ULK2: variants seen among roughly 807,000 people sequenced by gnomAD.
ULK2 encodes unc-51 like autophagy activating kinase 2.
In ULK2, 76 loss-of-function variants were observed where a neutral mutation model predicts 127.5. That is an observed-to-expected ratio of 0.60 (90% CI 0.50 to 0.72). ULK2 has a LOEUF of 0.72. ULK2 is among the 30% of genes least tolerant of loss of function. The pLI, the probability that ULK2 is intolerant of heterozygous loss-of-function variation, is 0.00. For missense variants in ULK2, 1,144 were observed against 1,295.9 expected, an observed-to-expected ratio of 0.88 and a Z score of 1.80; for synonymous variants, 452 against 461.9, an observed-to-expected ratio of 0.98 and a Z score of 0.28.
At chr17:19,809,742 A>AAT (rs2087591800) in intron 14 of ULK2, among the ~76,000 whole-genome samples, 2 of 150,710 alleles carry the variant, frequency 1.3e-5, no homozygotes, top group South Asian at 4.2e-4. Flanking sequence ...CAAAAAAAAA[A>AAT]AAAAAAAAAA....
chr17:19,820,447 C>T (rs891622789), intron 12 of ULK2, among the ~76,000 whole-genome samples: 2 of 152,136 alleles, frequency 1.3e-5, no homozygotes, highest in Admixed American at 6.5e-5. Context: ...TTTCCCTTCA[C>T]CCATCACCAA....
intron 19 of ULK2, 31 bp from the exon 20 acceptor site, chr17:19,795,756 GA>G (rs1567682276): frequency 1.3e-6 from 2 of 1,593,208 alleles, no homozygotes; most frequent in South Asian, 2.2e-5. Context: ...TTTAATAAAG[GA>G]AAAGTATACT....
At chr17:19,802,422 A>T in intron 15 of ULK2, among the ~76,000 whole-genome samples, 1 of 152,322 alleles carries the variant, frequency 6.6e-6, no homozygotes, top group South Asian at 2.1e-4. Context: ...TAATAAGCTT[A>T]TTCCATGTAA....
At chr17:19,814,438 A>ATTT (rs1187090319) in intron 13 of ULK2, among the ~76,000 whole-genome samples, 14 of 23,328 alleles carry the variant, frequency 6.0e-4, no homozygotes, top group African/African-American at 2.4e-3. Context: ...ATATATATAT[A>ATTT]TTTTTTTTTT....
In ULK2 at chr17:19,775,116, T is replaced by C. The variant is rs771435481; in HGVS notation, c.*1233A>G. The C allele has an allele frequency of 6.6e-6, 1 of 152,626 alleles. No homozygotes were observed. The highest frequency in any genetic ancestry group is 1.5e-5 in the Non-Finnish European group (1 of 68,038). The allele number at this position is 152,626 out of a possible 1,614,324, so 9.5% of individuals were successfully genotyped here. On this transcript the variant is annotated 3_prime_UTR_variant, in exon 27 of 27. Coordinates refer to ENST00000395544, the MANE Select transcript of ULK2 (RefSeq NM_014683.4). ...ATTAAAATAAAAGGATTAAAATTGG[T>C]GAATGGTTTATTCAAGTATTCAAGC...
chr17:19,799,596 AAG>A, intron 16 of ULK2, 21 bp from the exon 17 acceptor site: 2 of 1,510,118 alleles, frequency 1.3e-6, no homozygotes, highest in Non-Finnish European at 1.8e-6. Context: ...AAAAAAAAAA[AAG>A]ATGGGGAAAG....
chr17:19,846,775 C>A lies in ULK2; in HGVS notation c.431G>T (p.Arg144Leu), dbSNP rs565406152. The stretch of plus-strand genomic sequence containing the variant: ...AATACCACTGACACTTGATTTTCTG[C>A]GATTGGCATAGGACAGCAAGATGTT... ...PQNILLSYANRRKSSVSGIRI... is the reference protein window; with the variant it reads ...PQNILLSYANLRKSSVSGIRI... Residue 144 changes from arginine to leucine, a missense_variant, in exon 6 of 27, where the codon CGC becomes CTC. Physicochemically the swap from Arg to Leu is moderately radical, Grantham distance 102. This residue lies in a region of ULK2 where 231 missense variants were observed against 325.4 expected (regional missense o/e 0.71). Coordinates refer to ENST00000395544, the MANE Select transcript of ULK2 (RefSeq NM_014683.4). 7 of 1,610,986 alleles carry A rather than the reference C, an allele frequency of 4.3e-6. No homozygotes were observed. The highest frequency in any genetic ancestry group is 5.9e-6 in the Non-Finnish European group (7 of 1,178,794).
chr17:19,802,259 TATCA>T (rs1356662914), intron 15 of ULK2, among the ~76,000 whole-genome samples: 1 of 152,240 alleles, frequency 6.6e-6, no homozygotes, highest in African/African-American at 2.4e-5. Flanking sequence ...ATATATTACA[TATCA>T]ATCATTTTGA....
intron 15 of ULK2, among the ~76,000 whole-genome samples, chr17:19,802,321 A>C (rs923403331): frequency 4.6e-5 from 7 of 151,970 alleles, no homozygotes; most frequent in Admixed American, 2.0e-4. Flanking sequence ...ATTACTGAAG[A>C]CCCCAGAGAG....
In ULK2 at chr17:19,776,195, G is replaced by C; in HGVS notation, c.*154C>G. The C allele has an allele frequency of 1.6e-6, 1 of 607,262 alleles. No individual in the cohort carries two copies. 37.6% of individuals were successfully genotyped at this position (607,262 alleles called of 1,614,324 possible). ...ATTTCCTACAAATATGTAGTTTTTGGATTGTTTTTCCTTTTTCAAATCACT... is the reference window on the plus strand; with the variant it reads ...ATTTCCTACAAATATGTAGTTTTTGCATTGTTTTTCCTTTTTCAAATCACT... On this transcript the variant is annotated 3_prime_UTR_variant, in exon 27 of 27. Transcript: ENST00000395544.
intron 12 of ULK2, among the ~76,000 whole-genome samples, chr17:19,817,612 T>C (rs1036197003): frequency 2.0e-5 from 3 of 152,244 alleles, no homozygotes; most frequent in Admixed American, 1.3e-4. Context: ...ACGTATCTTT[T>C]GTCGTTTATC....
Position 19,865,716 on chromosome 17 carries a change from T to G in ULK2, c.183+20A>C. 1 of 1,378,384 alleles carries G rather than the reference T, an allele frequency of 7.3e-7. No individual in the cohort carries two copies. The highest frequency in any genetic ancestry group is 1.0e-6 in the Non-Finnish European group (1 of 991,920). 85.4% of individuals were successfully genotyped at this position (1,378,384 alleles called of 1,614,324 possible). A position where few individuals can be genotyped will look rare whatever the true frequency, so the allele number is the denominator to read the frequency against. ...TTAAGTTTTAACCTTATATGAATAC[T>G]ACTACATAAAGTAACATACCTTTAA... On this transcript the variant is annotated intron_variant, in intron 2 of 26. Transcript: ENST00000395544.
intron 9 of ULK2, among the ~76,000 whole-genome samples, chr17:19,840,827 T>C (rs183388516): frequency 6.6e-6 from 1 of 151,660 alleles, no homozygotes; most frequent in Admixed American, 6.6e-5. Context: ...AGGGGGAGGC[T>C]GCAGTGAGCC....
At position 19,810,382 on chromosome 17, in the gene ULK2, C is replaced by T. The variant is rs1275403114; in HGVS notation, c.1153G>A (p.Gly385Arg). The change falls in exon 14 of 27, where the codon GGA becomes AGA. Residue 385 changes from glycine to arginine, a missense_variant. Gly to Arg is a moderately radical substitution (Grantham distance 125). Transcript: ENST00000395544. ...RRASNEFLVC[G>R]GQCQPTVSPH... ...AGATAATGTAAATATACATACCCTC[C>T]ACACACCAAGAATTCATTTGAAGCA... is the stretch of plus-strand genomic sequence containing the variant. 6.2e-7 allele frequency: 1 copy of T among 1,601,822 alleles called. No individual in the cohort carries two copies.
At chr17:19,779,633 T>G (rs1039799343) in intron 25 of ULK2, among the ~76,000 whole-genome samples, 3 of 151,906 alleles carry the variant, frequency 2.0e-5, no homozygotes, top group African/African-American at 4.8e-5. Context: ...TTATTTATAC[T>G]TTAGAGTAAT....
chr17:19,813,309 C>T (rs1282215524), intron 13 of ULK2, among the ~76,000 whole-genome samples: 4 of 152,122 alleles, frequency 2.6e-5, no homozygotes, highest in Non-Finnish European at 1.5e-5. Flanking sequence ...ATACAATATA[C>T]TGCATGTTGA....
intron 4 of ULK2, 124 bp from the exon 5 acceptor site, chr17:19,849,529 TATAG>T (rs1373016114): frequency 1.9e-6 from 2 of 1,057,104 alleles, no homozygotes; most frequent in Non-Finnish European, 2.7e-6. Flanking sequence ...CTAAAAACAT[TATAG>T]ATTCAAAATT....
rs760417031 is a variant in ULK2, at chr17:19,782,075, A to G, written c.2461-8T>C. On this transcript the variant is annotated splice_polypyrimidine_tract_variant and splice_region_variant and intron_variant, in intron 22 of 26. Transcript: ENST00000395544. The stretch of plus-strand genomic sequence containing the variant: ...GGTGTCTGTGTGTTCCCGCTGCAGC[A>G]AAGTCAATTTGTCTTAGAAAATTTC... 3.1e-6 allele frequency: 5 copies of G among 1,612,732 alleles called. No homozygotes were observed. The East Asian group carries it at 1.1e-4, about 36-fold the overall frequency.
intron 3 of ULK2, among the ~76,000 whole-genome samples, chr17:19,850,536 A>C (rs2041990149): frequency 6.6e-6 from 1 of 152,158 alleles, no homozygotes; most frequent in Non-Finnish European, 1.5e-5. Flanking sequence ...AATTCAAAAT[A>C]TAGCTTTTGG....
Sources: allele counts gnomAD v4.1 joint callset (sites outside exome capture counted in the v4.1 genomes callset), GRCh38; gene constraint gnomAD v4.1.1; regional missense constraint gnomAD v4.1.1; transcripts MANE v1.5; gene names NCBI Gene and HGNC (gene_info 2026-07-23, HGNC 2026-07-21).